Variants in TBC1D22A observed in about 807,000 individuals in gnomAD.
TBC1D22A encodes the protein TBC1 domain family member 22A.
Under a neutral mutation model 60.2 loss-of-function variants are expected in TBC1D22A, and 38 were observed. The ratio of observed to expected loss-of-function variants is 0.63; its 90% CI spans 0.49 to 0.83. The LOEUF is 0.83. Among genes scored for constraint, TBC1D22A ranks in the 40% least tolerant of loss-of-function variants. The pLI is 0.00. For missense variants in TBC1D22A, 628 were observed against 701.0 expected (o/e 0.90, Z 1.18); for synonymous variants, 302 against 281.7 (o/e 1.07, Z -0.72).
At chr22:46,885,509 G>T (rs1357606004) in intron 5 of TBC1D22A, among the ~76,000 whole-genome samples, 1 of 152,154 alleles carries the variant, frequency 6.6e-6, no homozygotes, top group Admixed American at 6.5e-5. Flanking sequence ...GGCAATTCGG[G>T]GGCAAAGAAA....
intron 4 of TBC1D22A, among the ~76,000 whole-genome samples, chr22:46,800,312 T>C (rs1333701314): frequency 6.6e-6 from 1 of 152,120 alleles, no homozygotes; most frequent in African/African-American, 2.4e-5. Context: ...GGTCTGTGAG[T>C]TCGCCTAGAG....
chr22:47,098,483 T>A (rs2065273211), intron 11 of TBC1D22A, among the ~76,000 whole-genome samples: 1 of 152,206 alleles, frequency 6.6e-6, no homozygotes, highest in Non-Finnish European at 1.5e-5. Context: ...CTCTTCCCTG[T>A]GTACTGCACA....
Position 47,026,813 on chromosome 22 carries a change from C to T in TBC1D22A, c.1202-10258C>T, listed in dbSNP as rs146233984. Among the ~76,000 whole-genome samples, 449 of 152,280 alleles carry T rather than the reference C, an allele frequency of 2.9e-3. 1 individual carries two copies. Among genetic ancestry groups the T allele is most frequent in the South Asian group, 0.013 (62 of 4,820 alleles). On this transcript the variant is annotated intron_variant, in intron 10 of 12. Transcript: ENST00000337137. ...CAAGAGTATTAAATGTCAGCTCTCA[C>T]CAAACTGATCATACATTCTACTCAA...
intron 2 of TBC1D22A, among the ~76,000 whole-genome samples, chr22:46,793,159 C>T (rs1321631556): frequency 2.0e-5 from 3 of 152,262 alleles, no homozygotes; most frequent in Non-Finnish European, 2.9e-5. Flanking sequence ...CTGGCCCACA[C>T]CCCTCACTGC....
At chr22:46,971,728 G>A (rs1311643921) in intron 8 of TBC1D22A, among the ~76,000 whole-genome samples, 3 of 152,230 alleles carry the variant, frequency 2.0e-5, no homozygotes, top group Non-Finnish European at 4.4e-5. Flanking sequence ...GCGCGTGGAG[G>A]CTTAGTTTCT....
chr22:46,981,357 G>A (rs569686141), intron 9 of TBC1D22A, among the ~76,000 whole-genome samples: 8 of 152,302 alleles, frequency 5.3e-5, no homozygotes, highest in Non-Finnish European at 1.2e-4. Flanking sequence ...TGGCTAGTTA[G>A]TTGCAGCATT....
chr22:46,828,417 C>G (rs2147139046), intron 4 of TBC1D22A, among the ~76,000 whole-genome samples: 1 of 152,352 alleles, frequency 6.6e-6, no homozygotes, highest in South Asian at 2.1e-4. Flanking sequence ...ACTACCTGGG[C>G]CACTGCGAGA....
At chr22:47,113,109 G>A (rs1233135122) in intron 12 of TBC1D22A, among the ~76,000 whole-genome samples, 1 of 152,222 alleles carries the variant, frequency 6.6e-6, no homozygotes, top group Non-Finnish European at 1.5e-5. Context: ...CACTGGCCTG[G>A]CCACTTACCT....
intron 8 of TBC1D22A, among the ~76,000 whole-genome samples, chr22:46,946,637 A>G (rs2072563521): frequency 2.0e-5 from 3 of 152,198 alleles, no homozygotes; most frequent in Non-Finnish European, 4.4e-5. Context: ...CTGTGCGGGC[A>G]CTGGGCTCCT....
At position 47,009,236 on chromosome 22, in the gene TBC1D22A, A is replaced by G. The variant is rs1463146300; in HGVS notation, c.1201+11527A>G. 6.6e-6 allele frequency among the ~76,000 whole-genome samples: 1 copy of G among 152,116 alleles called. No homozygotes were observed. Among genetic ancestry groups the G allele is most frequent in the African/African-American group, 2.4e-5 (1 of 41,408 alleles). The stretch of plus-strand genomic sequence containing the variant: ...TGCAGTGTTAGTACCCATTATTGTC[A>G]TTATCATCACCATCAGCATCATCAT... On this transcript the variant is annotated intron_variant, in intron 10 of 12. Coordinates refer to ENST00000337137, the MANE Select transcript of TBC1D22A (RefSeq NM_014346.5). This position sits in a 1 kb window ranked among gnomAD's most constrained non-coding sequence, Gnocchi z 5.8.
chr22:46,767,809 AG>A (rs2083337338), intron 1 of TBC1D22A, among the ~76,000 whole-genome samples: 12 of 151,914 alleles, frequency 7.9e-5, no homozygotes, highest in Admixed American at 7.2e-4. Context: ...GGACTCCCAG[AG>A]CGATGCTGGC....
intron 8 of TBC1D22A, among the ~76,000 whole-genome samples, chr22:46,962,371 G>C (rs748611400): frequency 2.0e-5 from 3 of 152,252 alleles, no homozygotes; most frequent in Non-Finnish European, 4.4e-5. Context: ...GTGCTGATAA[G>C]GGATTGGTGA....
intron 11 of TBC1D22A, among the ~76,000 whole-genome samples, chr22:47,098,868 G>A (rs2065293785): frequency 6.6e-6 from 1 of 152,216 alleles, no homozygotes; most frequent in Non-Finnish European, 1.5e-5. Context: ...CTCCGACTGG[G>A]ACCTCCTGTG....
intron 12 of TBC1D22A, among the ~76,000 whole-genome samples, chr22:47,160,893 G>A (rs1357456828): frequency 6.6e-6 from 1 of 152,174 alleles, no homozygotes; most frequent in Non-Finnish European, 1.5e-5. Flanking sequence ...GTGGAGCCCA[G>A]CAAGCCCCAG....
At chr22:46,828,067 A>G (rs1348167972) in intron 4 of TBC1D22A, among the ~76,000 whole-genome samples, 3 of 152,160 alleles carry the variant, frequency 2.0e-5, no homozygotes, top group Non-Finnish European at 2.9e-5. Context: ...TCCGTGTGCC[A>G]TTGACTAAGA....
At chr22:47,159,219 G>A (rs1025883202) in intron 12 of TBC1D22A, among the ~76,000 whole-genome samples, 20 of 142,048 alleles carry the variant, frequency 1.4e-4, no homozygotes, top group Non-Finnish European at 2.4e-4. Flanking sequence ...CACCATGTAT[G>A]CACACAGACA....
At chr22:47,166,152 C>T (rs2068202100) in intron 12 of TBC1D22A, among the ~76,000 whole-genome samples, 1 of 152,162 alleles carries the variant, frequency 6.6e-6, no homozygotes, top group South Asian at 2.1e-4. Context: ...TGCCACTGCA[C>T]GCACAGCCCT....
chr22:46,977,521 G>C (rs1272098149), intron 9 of TBC1D22A, among the ~76,000 whole-genome samples: 1 of 152,152 alleles, frequency 6.6e-6, no homozygotes, highest in Non-Finnish European at 1.5e-5. Flanking sequence ...TTAGCCCCCA[G>C]TAAGATGGCA....
Position 47,132,344 on chromosome 22 carries a change from C to T in TBC1D22A, c.1425+20741C>T, listed in dbSNP as rs139676905. 2.0e-5 allele frequency among the ~76,000 whole-genome samples: 3 copies of T among 152,342 alleles called. No homozygotes were observed. In the East Asian group the frequency reaches 5.8e-4, roughly 29 times the overall value. On this transcript the variant is annotated intron_variant, in intron 12 of 12. Transcript: ENST00000337137. ...GCTCTGCCTGCCCCTACTCCTGCTTCCTTCCGATCCACCTTCCAGAATGCA... is the reference window on the plus strand; with the variant it reads ...GCTCTGCCTGCCCCTACTCCTGCTTTCTTCCGATCCACCTTCCAGAATGCA...
Sources: gnomAD v4.1 joint callset for allele counts (sites outside exome capture counted in the v4.1 genomes callset) on GRCh38, gnomAD v4.1.1 for gene constraint, Gnocchi (gnomAD v3.1) non-coding constraint, MANE v1.5 for transcripts, NCBI Gene and HGNC (gene_info 2026-07-23, HGNC 2026-07-21) for gene names.